Variants in PLEKHB2 observed in about 807,000 individuals in gnomAD.
PLEKHB2 encodes the protein pleckstrin homology domain-containing family B member 2.
In PLEKHB2, 31 loss-of-function variants were observed where a neutral mutation model predicts 36.5. That is an observed-to-expected ratio of 0.85 (90% CI 0.64 to 1.15). The LOEUF (loss-of-function observed/expected upper bound fraction) is 1.15. Ranked by LOEUF, PLEKHB2 falls within the 50% of genes most tolerant of loss-of-function variation. The pLI is 0.00. For missense variants in PLEKHB2, 262 were observed against 295.3 expected (o/e 0.89, Z 0.83); for synonymous variants, 119 against 112.0 (o/e 1.06, Z -0.39).
At chr2:131,128,939 G>A (rs1559081311) in intron 4 of PLEKHB2, among the ~76,000 whole-genome samples, 1 of 149,978 alleles carries the variant, frequency 6.7e-6, no homozygotes, top group Non-Finnish European at 1.5e-5. Flanking sequence ...GAATAATCCA[G>A]TATGATACCC....
chr2:131,137,361 C>T (rs1437489081), intron 6 of PLEKHB2, among the ~76,000 whole-genome samples: 1 of 152,236 alleles, frequency 6.6e-6, no homozygotes, highest in Non-Finnish European at 1.5e-5. Flanking sequence ...CCCTCCTGCG[C>T]TTGCACATGG....
intron 7 of PLEKHB2, among the ~76,000 whole-genome samples, chr2:131,142,562 GTTTCTTTTTT>G (rs1392813504): frequency 1.4e-5 from 2 of 146,216 alleles, no homozygotes; most frequent in South Asian, 2.2e-4. Context: ...ATTAGAATAT[GTTTCTTTTTT>G]TTTCTTTTTT....
intron 1 of PLEKHB2, chr2:131,118,911 A>G (rs1320861469): frequency 4.7e-5 from 7 of 150,152 alleles, no homozygotes; most frequent in Non-Finnish European, 7.4e-5. Flanking sequence ...TAAAGCAGAA[A>G]ACAAAAGTGG....
At chr2:131,128,467 T>C (rs369163778) in intron 4 of PLEKHB2, among the ~76,000 whole-genome samples, 1 of 152,246 alleles carries the variant, frequency 6.6e-6, no homozygotes, top group Non-Finnish European at 1.5e-5. Context: ...TGTATCTCCC[T>C]GTCCCCATAC....
intron 1 of PLEKHB2, among the ~76,000 whole-genome samples, chr2:131,106,896 G>A (rs1258580727): frequency 6.6e-6 from 1 of 152,112 alleles, no homozygotes; most frequent in East Asian, 1.9e-4. Context: ...ACCTGACAGC[G>A]GTTCTTTGCT....
chr2:131,123,766 ACCCCCCCCACCCCCCCCCCCGCCC>A (rs1696787323), intron 2 of PLEKHB2, among the ~76,000 whole-genome samples: 1 of 11,530 alleles, frequency 8.7e-5, no homozygotes, highest in African/African-American at 3.2e-4. Context: ...CTCCTGGTCC[ACCCCCCCCACCCCCCCCCCCGCCC>A]CCCGCCCTCG....
At chr2:131,113,324 T>C (rs901478568) in intron 1 of PLEKHB2, among the ~76,000 whole-genome samples, 10 of 151,906 alleles carry the variant, frequency 6.6e-5, no homozygotes, top group Non-Finnish European at 1.5e-4. Flanking sequence ...CCCCTGACCT[T>C]CTCCTCCTAA....
chr2:131,135,643 C>T (rs1573609598), intron 6 of PLEKHB2, among the ~76,000 whole-genome samples: 1 of 151,864 alleles, frequency 6.6e-6, no homozygotes, highest in Non-Finnish European at 1.5e-5. Context: ...GCTCTGTCAC[C>T]CAGGCTCTGG....
chr2:131,144,146 C>T (rs111337509), intron 7 of PLEKHB2, among the ~76,000 whole-genome samples: 79 of 152,314 alleles, frequency 5.2e-4, no homozygotes, highest in African/African-American at 1.8e-3. Flanking sequence ...ATCCTGTCTG[C>T]CAGGGTCTCA....
intron 7 of PLEKHB2, among the ~76,000 whole-genome samples, chr2:131,145,277 C>T (rs964203445): frequency 6.6e-6 from 1 of 152,186 alleles, no homozygotes; most frequent in Non-Finnish European, 1.5e-5. Context: ...TTTGTTACCA[C>T]TGCGGGTTTC....
intron 6 of PLEKHB2, 108 bp from the exon 7 acceptor site, chr2:131,140,059 T>C: frequency 1.6e-6 from 1 of 645,146 alleles, no homozygotes; most frequent in Non-Finnish European, 2.7e-6. Context: ...TTGTTTTGTT[T>C]TTTTTAATTG....
Position 131,120,934 on chromosome 2 carries a change from G to C in PLEKHB2, c.-8G>C, listed in dbSNP as rs770881823. The C allele has an allele frequency of 1.2e-6, 2 of 1,614,088 alleles. No homozygotes were observed. The highest frequency in any genetic ancestry group is 2.7e-5 in the African/African-American group (2 of 74,956). ...GAACCTGCCTGTTTTTGTTCTGTAGGTGAAGAGATGGCGTTTGTGAAGAGT... is the reference window on the plus strand; with the variant it reads ...GAACCTGCCTGTTTTTGTTCTGTAGCTGAAGAGATGGCGTTTGTGAAGAGT... On this transcript the variant is annotated splice_region_variant and 5_prime_UTR_variant, in exon 2 of 8. Transcript: ENST00000693505.
intron 3 of PLEKHB2, among the ~76,000 whole-genome samples, 162 bp downstream of exon 3, chr2:131,126,067 A>G (rs1697071691): frequency 6.6e-6 from 1 of 152,034 alleles, no homozygotes; most frequent in Non-Finnish European, 1.5e-5. Flanking sequence ...TAGATTATGA[A>G]CCACATGGTC....
intron 6 of PLEKHB2, among the ~76,000 whole-genome samples, chr2:131,135,678 A>G (rs1573609710): frequency 6.6e-6 from 1 of 151,814 alleles, no homozygotes; most frequent in South Asian, 2.1e-4. Context: ...ATCTCGGCTC[A>G]CTGCAAGCTC....
At chr2:131,143,629 T>G (rs1455101517) in intron 7 of PLEKHB2, among the ~76,000 whole-genome samples, 1 of 152,260 alleles carries the variant, frequency 6.6e-6, no homozygotes, top group Non-Finnish European at 1.5e-5. Context: ...TGGCCTGTTG[T>G]GCTCTAAAAG....
chr2:131,142,766 G>T (rs1434121618), intron 7 of PLEKHB2, among the ~76,000 whole-genome samples: 2 of 151,946 alleles, frequency 1.3e-5, no homozygotes, highest in Non-Finnish European at 2.9e-5. Context: ...CTGTTGGCCA[G>T]GCTGGTCTCA....
chr2:131,115,559 T>G (rs1695779801), intron 1 of PLEKHB2, among the ~76,000 whole-genome samples: 1 of 151,966 alleles, frequency 6.6e-6, no homozygotes, highest in Admixed American at 6.6e-5. Context: ...TTCACCATAT[T>G]GGCCAGGATG....
intron 1 of PLEKHB2, among the ~76,000 whole-genome samples, chr2:131,109,612 C>T (rs1462848039): frequency 6.6e-6 from 1 of 152,172 alleles, no homozygotes. Context: ...ATCGCTTGAA[C>T]CTGGAAGGCG....
chr2:131,124,274 G>A (rs772734384), intron 2 of PLEKHB2, among the ~76,000 whole-genome samples: 2 of 152,170 alleles, frequency 1.3e-5, no homozygotes, highest in African/African-American at 4.8e-5. Flanking sequence ...CAGGAAAGCC[G>A]AATGGCGCAT....
Sources: allele counts gnomAD v4.1 joint callset (sites outside exome capture counted in the v4.1 genomes callset), GRCh38; gene constraint gnomAD v4.1.1; transcripts MANE v1.5; gene names NCBI Gene and HGNC (gene_info 2026-07-23, HGNC 2026-07-21).